Variants in IQCK observed in about 807,000 individuals in gnomAD.
IQCK encodes IQ domain-containing protein K.
Under a neutral mutation model 28.1 loss-of-function variants are expected in IQCK, and 29 were observed. The ratio of observed to expected loss-of-function variants is 1.03; its 90% CI spans 0.77 to 1.41. The LOEUF (loss-of-function observed/expected upper bound fraction) is 1.41, where lower values mean the gene tolerates loss of function less well. Ranked by LOEUF, IQCK falls within the 40% of genes most tolerant of loss-of-function variation. IQCK has a pLI of 0.00. For missense variants in IQCK, 359 were observed against 314.7 expected (o/e 1.14, Z -1.07); for synonymous variants, 113 against 115.1 (o/e 0.98, Z 0.12).
chr16:19,741,100 G>A (rs2054828446), intron 4 of IQCK, among the ~76,000 whole-genome samples: 1 of 152,124 alleles, frequency 6.6e-6, no homozygotes, highest in Non-Finnish European at 1.5e-5. Flanking sequence ...GGCACACTGA[G>A]GGGACAAGAA....
intron 4 of IQCK, chr16:19,736,120 T>A (rs1337798324): frequency 5.3e-5 from 24 of 455,822 alleles, no homozygotes; most frequent in Non-Finnish European, 7.9e-5. Flanking sequence ...AGATTGATTG[T>A]TCCCCCTGGC....
intron 4 of IQCK, among the ~76,000 whole-genome samples, chr16:19,753,174 G>T (rs992358033): frequency 1.3e-5 from 2 of 151,572 alleles, no homozygotes; most frequent in African/African-American, 4.9e-5. Context: ...CAGACATTTC[G>T]AGATGCCAAG....
rs149665524 is a variant in IQCK, at chr16:19,769,377, G to A, written c.605+5265G>A. ...AGCCTCCAGTTCCTTATTGGTAAAT[G>A]TGGTTGTGAAGATACAGTGATACAG... On this transcript the variant is annotated intron_variant, in intron 6 of 7. Transcript: ENST00000564186. Among the ~76,000 whole-genome samples, 615 of 152,332 alleles carry A rather than the reference G, an allele frequency of 4.0e-3. 3 individuals are homozygous for A. The highest frequency in any genetic ancestry group is 0.014 in the African/African-American group (565 of 41,568).
exon 1 of IQCK, chr16:19,718,318 G>C (rs961899602): frequency 1.2e-6 from 2 of 1,607,084 alleles, no homozygotes; most frequent in Non-Finnish European, 8.5e-7. Flanking sequence ...TGGCGGCACC[G>C]CGGCAAATCC....
intron 4 of IQCK, among the ~76,000 whole-genome samples, chr16:19,744,402 A>T (rs924405892): frequency 3.3e-5 from 5 of 152,120 alleles, no homozygotes; most frequent in African/African-American, 1.2e-4. Context: ...AAGTCCTGGG[A>T]TTACAGGGAT....
chr16:19,718,345 C>T (rs1977320905), exon 1 of IQCK: 1 of 1,610,362 alleles, frequency 6.2e-7, no homozygotes. Flanking sequence ...ACATAGTGCG[C>T]CTCAAGCCCA....
At chr16:19,740,839 G>A (rs2054822765) in intron 4 of IQCK, among the ~76,000 whole-genome samples, 1 of 151,732 alleles carries the variant, frequency 6.6e-6, no homozygotes, top group South Asian at 2.1e-4. Context: ...CGTGGTGGCA[G>A]GTGCCTGAGT....
At chr16:19,812,809 TG>T (rs2055925164) in intron 7 of IQCK, among the ~76,000 whole-genome samples, 1 of 152,188 alleles carries the variant, frequency 6.6e-6, no homozygotes, top group East Asian at 1.9e-4. Flanking sequence ...TAAATCTTGC[TG>T]AAAGAAAAAG....
intron 7 of IQCK, among the ~76,000 whole-genome samples, chr16:19,811,433 G>T (rs2055904136): frequency 6.6e-6 from 1 of 152,206 alleles, no homozygotes; most frequent in African/African-American, 2.4e-5. Flanking sequence ...CGAACAGTTG[G>T]ATGAACTTTA....
intron 7 of IQCK, among the ~76,000 whole-genome samples, chr16:19,824,408 C>G (rs1198002147): frequency 6.6e-6 from 1 of 152,126 alleles, no homozygotes; most frequent in Non-Finnish European, 1.5e-5. Context: ...GCTGCAGATA[C>G]AGATGAAGCT....
chr16:19,807,295 C>T (rs1219434330), intron 7 of IQCK, among the ~76,000 whole-genome samples: 2 of 152,314 alleles, frequency 1.3e-5, no homozygotes, highest in African/African-American at 4.8e-5. Context: ...CCAGAATGCC[C>T]CAGCTAAGCT....
chr16:19,719,460 G>A (rs1487926086), intron 1 of IQCK, among the ~76,000 whole-genome samples: 1 of 151,640 alleles, frequency 6.6e-6, no homozygotes, highest in Non-Finnish European at 1.5e-5. Context: ...GCGTGGTGGT[G>A]TGCGCCTATA....
intron 9 of IQCK, among the ~76,000 whole-genome samples, chr16:19,835,455 C>T (rs766307058): frequency 2.2e-4 from 34 of 152,096 alleles, no homozygotes; most frequent in Non-Finnish European, 3.5e-4. Flanking sequence ...AAAATGATAG[C>T]GCTGTACCAT....
intron 4 of IQCK, among the ~76,000 whole-genome samples, chr16:19,762,299 G>A (rs902796326): frequency 7.2e-5 from 11 of 152,168 alleles, no homozygotes; most frequent in South Asian, 4.1e-4. Flanking sequence ...ACCTGTGTGC[G>A]GGGTGTCTCG....
chr16:19,760,759 C>T (rs1321660467), intron 4 of IQCK, among the ~76,000 whole-genome samples: 8 of 152,012 alleles, frequency 5.3e-5, no homozygotes, highest in Non-Finnish European at 1.0e-4. Context: ...AGGGCAAGTC[C>T]GTAAAGTGAA....
At chr16:19,742,506 C>T (rs1403738706) in intron 4 of IQCK, among the ~76,000 whole-genome samples, 3 of 152,126 alleles carry the variant, frequency 2.0e-5, no homozygotes, top group Admixed American at 6.5e-5. Flanking sequence ...TCAGCTGTTC[C>T]TCACATCCTG....
chr16:19,763,071 TA>T, intron 4 of IQCK, among the ~76,000 whole-genome samples: 1 of 152,170 alleles, frequency 6.6e-6, no homozygotes, highest in South Asian at 2.1e-4. Context: ...ACTTAACTAC[TA>T]ATAGCCTACT....
chr16:19,757,823 C>T (rs2055074014), intron 4 of IQCK, among the ~76,000 whole-genome samples: 1 of 152,172 alleles, frequency 6.6e-6, no homozygotes, highest in Admixed American at 6.5e-5. Context: ...CACATATCCA[C>T]TGCCTTGATT....
chr16:19,756,911 AAAAG>A (rs1438770601), intron 4 of IQCK, among the ~76,000 whole-genome samples: 40 of 151,658 alleles, frequency 2.6e-4, no homozygotes, highest in South Asian at 6.3e-4. Flanking sequence ...AAAAAAAAAA[AAAAG>A]AAAGAGGCTC....
Sources: allele counts gnomAD v4.1 joint callset (sites outside exome capture counted in the v4.1 genomes callset), GRCh38; gene constraint gnomAD v4.1.1; transcripts MANE v1.5; gene names NCBI Gene and HGNC (gene_info 2026-07-23, HGNC 2026-07-21).